ITPR1: variants seen among roughly 807,000 people sequenced by gnomAD.
ITPR1 encodes the protein inositol 1,4,5-trisphosphate-gated calcium channel ITPR1.
In ITPR1, 96 loss-of-function variants were observed where a neutral mutation model predicts 318.4. The ratio of observed to expected loss-of-function variants is 0.30; its 90% CI spans 0.26 to 0.36. ITPR1 has a LOEUF of 0.36. ITPR1 is among the 10% of genes least tolerant of loss of function. The pLI, the probability that ITPR1 is intolerant of heterozygous loss-of-function variation, is 1.00. For missense variants in ITPR1, 2,440 were observed against 3,460.2 expected (o/e 0.71, Z 7.40); for synonymous variants, 1,312 against 1,289.9 (o/e 1.02, Z -0.37).
intron 4 of ITPR1, among the ~76,000 whole-genome samples, chr3:4,597,631 C>T (rs2090948449): frequency 6.6e-6 from 1 of 152,062 alleles, no homozygotes; most frequent in African/African-American, 2.4e-5. Context: ...ATTCTAGGCA[C>T]CAGGGAGTGT....
intron 4 of ITPR1, among the ~76,000 whole-genome samples, chr3:4,616,337 C>A (rs1398636153): frequency 6.6e-6 from 1 of 152,168 alleles, no homozygotes; most frequent in Non-Finnish European, 1.5e-5. Flanking sequence ...TGGGTTAGTT[C>A]TTAAAATATG....
At chr3:4,844,432 C>T (rs2051604133) in intron 61 of ITPR1, among the ~76,000 whole-genome samples, 1 of 152,098 alleles carries the variant, frequency 6.6e-6, no homozygotes. Flanking sequence ...GCTGAGCACA[C>T]CAAGATTTCT....
chr3:4,518,214 C>A (rs759991579), intron 3 of ITPR1, among the ~76,000 whole-genome samples: 99 of 152,126 alleles, frequency 6.5e-4, no homozygotes, highest in Non-Finnish European at 1.1e-3. Context: ...AAACCTCAAC[C>A]CACTCTATTC....
At chr3:4,772,955 C>T (rs2046276090) in intron 46 of ITPR1, among the ~76,000 whole-genome samples, 1 of 152,194 alleles carries the variant, frequency 6.6e-6, no homozygotes. Context: ...TGAGGACTTC[C>T]CAGTCCTCTT....
chr3:4,714,170 G>GC (rs2041595908), intron 39 of ITPR1, among the ~76,000 whole-genome samples: 1 of 152,032 alleles, frequency 6.6e-6, no homozygotes, highest in Non-Finnish European at 1.5e-5. Context: ...GAAGCATGAC[G>GC]CACAGGGCAG....
At chr3:4,692,497 T>C (rs11918796) in intron 32 of ITPR1, among the ~76,000 whole-genome samples, 73,851 of 152,082 alleles carry the variant, frequency 0.49, 18,667 homozygotes, top group Non-Finnish European at 0.56. Context: ...TTAGGAAGTT[T>C]GTCTAAAGAG....
intron 61 of ITPR1, 85 bp downstream of exon 61, chr3:4,837,020 A>G (rs1309326555): frequency 1.1e-5 from 14 of 1,217,452 alleles, no homozygotes; most frequent in Non-Finnish European, 1.5e-5. Flanking sequence ...TGATGAGGAA[A>G]ATCAGTAGTG....
At chr3:4,534,946 A>G (rs2124960426) in intron 4 of ITPR1, among the ~76,000 whole-genome samples, 1 of 152,338 alleles carries the variant, frequency 6.6e-6, no homozygotes, top group Non-Finnish European at 1.5e-5. Flanking sequence ...TCGACAAAGA[A>G]TACGGGGTTT....
intron 52 of ITPR1, among the ~76,000 whole-genome samples, chr3:4,792,302 T>G (rs1175108585): frequency 6.6e-6 from 1 of 152,256 alleles, no homozygotes; most frequent in East Asian, 1.9e-4. Flanking sequence ...GTTCTAATGA[T>G]TCACATGTCA....
intron 4 of ITPR1, among the ~76,000 whole-genome samples, chr3:4,537,274 T>C (rs990603078): frequency 1.3e-5 from 2 of 152,246 alleles, no homozygotes; most frequent in African/African-American, 4.8e-5. Context: ...ATCTGTTTTC[T>C]TTATGTCAAA....
At chr3:4,843,018 G>T (rs553371780) in intron 61 of ITPR1, among the ~76,000 whole-genome samples, 1 of 149,230 alleles carries the variant, frequency 6.7e-6, no homozygotes, top group East Asian at 2.0e-4. Flanking sequence ...TAAGCGTCCA[G>T]AATTGTTGGC....
chr3:4,547,519 C>T (rs933557862), intron 4 of ITPR1, among the ~76,000 whole-genome samples: 2 of 152,166 alleles, frequency 1.3e-5, no homozygotes, highest in East Asian at 3.9e-4. Context: ...GACTTTAGCA[C>T]ATAGGGCGGT....
intron 4 of ITPR1, among the ~76,000 whole-genome samples, chr3:4,551,697 C>T (rs144556151): frequency 2.3e-3 from 350 of 152,314 alleles, no homozygotes; most frequent in African/African-American, 8.2e-3. Context: ...GGGCTAGATA[C>T]AGATAATACT....
rs1574852477 is a variant in ITPR1, at chr3:4,685,221, A to G, written c.3702+15A>G. The G allele has an allele frequency of 1.3e-6, 2 of 1,588,284 alleles. No homozygotes were observed. Among genetic ancestry groups the G allele is most frequent in the Non-Finnish European group, 1.7e-6 (2 of 1,170,520 alleles). Reference sequence around the variant, plus strand: ...CCTATGAGAAGGTGAGCGGTGCCTCATGCACAGCAGCTGCTCTCAGGATGG... The same window carrying G: ...CCTATGAGAAGGTGAGCGGTGCCTCGTGCACAGCAGCTGCTCTCAGGATGG... On this transcript the variant is annotated intron_variant, in intron 30 of 61. Coordinates refer to ENST00000649015, the MANE Select transcript of ITPR1 (RefSeq NM_001378452.1).
chr3:4,503,605 A>G (rs2081189450), intron 2 of ITPR1, among the ~76,000 whole-genome samples: 1 of 152,050 alleles, frequency 6.6e-6, no homozygotes, highest in South Asian at 2.1e-4. Flanking sequence ...TGGTTGTTCT[A>G]TCTGGCAGGC....
At chr3:4,680,998 C>G (rs928593608) in intron 25 of ITPR1, among the ~76,000 whole-genome samples, 1 of 152,150 alleles carries the variant, frequency 6.6e-6, no homozygotes, top group African/African-American at 2.4e-5. Flanking sequence ...ACAAAAAACT[C>G]TCCAGGAGAC....
At chr3:4,812,712 G>A (rs2049019458) in intron 56 of ITPR1, among the ~76,000 whole-genome samples, 1 of 152,188 alleles carries the variant, frequency 6.6e-6, no homozygotes, top group South Asian at 2.1e-4. Context: ...TGTATCTCCA[G>A]CCTCCCAAGT....
In ITPR1 at chr3:4,836,350, G is replaced by A. The variant is rs544817246; in HGVS notation, c.8029-424G>A. On this transcript the variant is annotated intron_variant, in intron 60 of 61. Transcript: ENST00000649015. ...ATGATGGGGATGGTTGCACAGCAGT[G>A]TGAATGTACTTAATGCCACTAAACT... 1.8e-4 allele frequency among the ~76,000 whole-genome samples: 28 copies of A among 152,288 alleles called. No individual in the cohort carries two copies. The South Asian group carries it at 5.8e-3, about 32-fold the overall frequency.
At chr3:4,663,810 CT>C (rs373653746) in intron 16 of ITPR1, among the ~76,000 whole-genome samples, 2 of 152,198 alleles carry the variant, frequency 1.3e-5, no homozygotes, top group Admixed American at 6.5e-5. Context: ...TCCTATTTGT[CT>C]GTCCTTCCTG....
Sources: allele counts gnomAD v4.1 joint callset (sites outside exome capture counted in the v4.1 genomes callset), GRCh38; gene constraint gnomAD v4.1.1; transcripts MANE v1.5; gene names NCBI Gene and HGNC (gene_info 2026-07-23, HGNC 2026-07-21).